The following SLC28A1 variants were observed in gnomAD, a reference collection of about 807,000 sequenced individuals.
The protein encoded by SLC28A1 is solute carrier family 28 member 1.
A neutral mutation model predicts 74.8 loss-of-function variants in SLC28A1; 64 were observed. The observed-to-expected ratio is 0.86, with a 90% CI of 0.70 to 1.05. The LOEUF is 1.05. Ranked by LOEUF, SLC28A1 falls within the 50% of genes least tolerant of loss-of-function variation. SLC28A1 has a pLI of 0.00. For synonymous variants in SLC28A1, 359 were observed against 335.0 expected (o/e 1.07, Z -0.78); for missense variants, 828 against 822.8 (o/e 1.01, Z -0.08).
At chr15:84,889,907 T>A (rs1965164721) in intron 4 of SLC28A1, among the ~76,000 whole-genome samples, 1 of 150,772 alleles carries the variant, frequency 6.6e-6, no homozygotes, top group Non-Finnish European at 1.5e-5. Context: ...TGGGCTGGAG[T>A]GCAGTGGCAC....
At chr15:84,926,605 C>T (rs1464859572) in intron 12 of SLC28A1, 20 of 451,576 alleles carry the variant, frequency 4.4e-5, no homozygotes, top group Non-Finnish European at 8.4e-5. Context: ...CCAACATTTG[C>T]AAAAGCAAGA....
chr15:84,918,986 G>A (rs1295295857), intron 10 of SLC28A1, among the ~76,000 whole-genome samples: 1 of 151,666 alleles, frequency 6.6e-6, no homozygotes, highest in African/African-American at 2.4e-5. Flanking sequence ...CTGCTTCCAG[G>A]ATCTTCACCC....
intron 9 of SLC28A1, among the ~76,000 whole-genome samples, chr15:84,913,739 G>A (rs532865637): frequency 5.9e-5 from 9 of 152,130 alleles, no homozygotes; most frequent in Non-Finnish European, 8.8e-5. Context: ...TTCCTTGAAG[G>A]GGACTGCCTT....
the SLC28A1 span, among the ~76,000 whole-genome samples, chr15:84,967,470 GA>G: frequency 6.6e-6 from 1 of 152,186 alleles, no homozygotes; most frequent in Non-Finnish European, 1.5e-5. Context: ...GTCATGCTCT[GA>G]CCCTCCCCTC....
chr15:84,887,750 A>G lies in SLC28A1; in HGVS notation c.-11A>G. 6.2e-7 allele frequency: 1 copy of G among 1,613,488 alleles called. No homozygotes were observed. The highest frequency in any genetic ancestry group is 2.2e-5 in the East Asian group (1 of 44,856). ...CTCCCTGATTTGTCTTTCAGCTGGA[A>G]GGTCTGGGACATGGAGAACGACCCC... On this transcript the variant is annotated 5_prime_UTR_variant, in exon 3 of 19. Transcript: ENST00000394573.
At chr15:84,893,528 G>A (rs1308395213) in intron 5 of SLC28A1, among the ~76,000 whole-genome samples, 6 of 151,602 alleles carry the variant, frequency 4.0e-5, no homozygotes. Flanking sequence ...CTCAATTTCT[G>A]TCCATTTGGA....
At chr15:84,974,481 G>A in the SLC28A1 span, among the ~76,000 whole-genome samples, 1 of 152,166 alleles carries the variant, frequency 6.6e-6, no homozygotes, top group African/African-American at 2.4e-5. Context: ...ATCAAGTAAC[G>A]ATGCTAATGC....
At chr15:84,933,322 G>T (rs199683588) in intron 13 of SLC28A1, 47 bp downstream of exon 13, 22 of 1,602,252 alleles carry the variant, frequency 1.4e-5, no homozygotes, top group South Asian at 3.3e-5. Context: ...GTACAAGGTG[G>T]GGGGAGCAAA....
intron 12 of SLC28A1, 81 bp downstream of exon 12, chr15:84,924,191 A>C: frequency 6.7e-7 from 1 of 1,492,184 alleles, no homozygotes; most frequent in Non-Finnish European, 9.2e-7. Flanking sequence ...GCTCCTGGCC[A>C]GAGCAGCCCT....
intron 11 of SLC28A1, among the ~76,000 whole-genome samples, chr15:84,922,458 C>T (rs971611046): frequency 2.0e-5 from 3 of 152,168 alleles, no homozygotes; most frequent in Non-Finnish European, 4.4e-5. Flanking sequence ...CTCCGCTTCC[C>T]CCACTGCGGC....
intron 12 of SLC28A1, among the ~76,000 whole-genome samples, chr15:84,929,008 A>G (rs1970971640): frequency 6.6e-6 from 1 of 152,088 alleles, no homozygotes; most frequent in Admixed American, 6.5e-5. Flanking sequence ...TAATATCTGG[A>G]TATTTCTAGA....
intron 3 of SLC28A1, among the ~76,000 whole-genome samples, chr15:84,888,232 T>C (rs1271299305): frequency 1.3e-5 from 2 of 152,028 alleles, no homozygotes; most frequent in East Asian, 3.9e-4. Flanking sequence ...TCAAGGAGCC[T>C]TGTCCTTGCT....
In SLC28A1 at chr15:84,944,583, C is replaced by T. The variant is rs761498936; in HGVS notation, c.1681C>T (p.Arg561Trp). The T allele has an allele frequency of 3.2e-5, 52 of 1,613,482 alleles. No homozygotes were observed. The East Asian group carries it at 6.5e-4, about 20-fold the overall frequency. ...CCTTGCAGCCTCCATGGTCCCCCAA[C>T]GGAAGAGCGACTTCTCCCAGATAGT... is the stretch of plus-strand genomic sequence containing the variant. ...LGGLTSMVPQ[R>W]KSDFSQIVLR... is the part of the protein sequence containing the mutation. The change falls in exon 17 of 19, where the codon CGG becomes TGG. Residue 561 changes from arginine (R) to tryptophan (W), a missense_variant. Arg to Trp is a moderately radical substitution (Grantham distance 101). Around this residue, in one of 3 missense-constraint regions of SLC28A1, gnomAD observed 767 missense variants for 753.5 expected, o/e 1.02. Transcript: ENST00000394573.
chr15:84,895,868 G>C (rs1226955954), intron 6 of SLC28A1: 19 of 1,063,070 alleles, frequency 1.8e-5, no homozygotes, highest in Non-Finnish European at 2.1e-5. Context: ...CAAAGACTAA[G>C]TCAGGGGGAT....
chr15:84,917,803 A>G lies in SLC28A1; in HGVS notation c.796-721A>G, dbSNP rs369855432. Among the ~76,000 whole-genome samples the G allele has an allele frequency of 2.0e-5, 3 of 152,172 alleles. No individual in the cohort carries two copies. The East Asian group carries it at 5.8e-4, about 29-fold the overall frequency. On this transcript the variant is annotated intron_variant, in intron 9 of 18. Transcript: ENST00000394573. ...CTCCATTTTTTGCCAGTTTGTTACT[A>G]AACATCAGACTACAGTAAAGAAAGA...
At chr15:84,912,983 T>C (rs1245554329) in intron 9 of SLC28A1, among the ~76,000 whole-genome samples, 1 of 151,770 alleles carries the variant, frequency 6.6e-6, no homozygotes, top group Non-Finnish European at 1.5e-5. Context: ...AGAAGGGAGA[T>C]GGGACAGCCG....
At chr15:84,944,527 A>T in intron 16 of SLC28A1, 39 bp from the exon 17 acceptor site, 1 of 1,447,162 alleles carries the variant, frequency 6.9e-7, no homozygotes, top group Non-Finnish European at 9.7e-7. Context: ...AGAGAGGGAC[A>T]CAGCTTCCCA....
At chr15:84,896,556 G>A (rs1478914563) in intron 6 of SLC28A1, among the ~76,000 whole-genome samples, 4 of 152,202 alleles carry the variant, frequency 2.6e-5, no homozygotes, top group Admixed American at 6.5e-5. Flanking sequence ...GCTCATGCCC[G>A]TAATCCCAGC....
chr15:84,906,508 G>A (rs78816161), intron 8 of SLC28A1, among the ~76,000 whole-genome samples: 1 of 54,686 alleles, frequency 1.8e-5, no homozygotes, highest in Admixed American at 1.6e-4. Flanking sequence ...TGGTTTGTTT[G>A]TTTGTTTGTT....
Sources: allele counts gnomAD v4.1 joint callset (sites outside exome capture counted in the v4.1 genomes callset), GRCh38; gene constraint gnomAD v4.1.1; regional missense constraint gnomAD v4.1.1; transcripts MANE v1.5; gene names NCBI Gene and HGNC (gene_info 2026-07-23, HGNC 2026-07-21).